C2orf76: variants seen among roughly 807,000 people sequenced by gnomAD.
C2orf76 encodes the protein UPF0538 protein C2orf76.
A neutral mutation model predicts 16.9 loss-of-function variants in C2orf76; 23 were observed. The observed-to-expected ratio is 1.36, with a 90% CI of 0.98 to 1.93. The LOEUF is 1.93. C2orf76 is among the 30% of genes most tolerant of loss of function. The pLI is 0.00. For missense variants in C2orf76, 152 were observed against 152.6 expected (o/e 1.00, Z 0.02); for synonymous variants, 48 against 52.3 (o/e 0.92, Z 0.35).
chr2:119,284,663 G>C, the C2orf76 span, among the ~76,000 whole-genome samples: 1 of 150,244 alleles, frequency 6.7e-6, no homozygotes, highest in African/African-American at 2.5e-5. Flanking sequence ...ATAGTGGGTG[G>C]GTTGTTTTGG....
the C2orf76 span, among the ~76,000 whole-genome samples, chr2:119,293,150 C>T: frequency 6.6e-6 from 1 of 152,232 alleles, no homozygotes; most frequent in African/African-American, 2.4e-5. Flanking sequence ...CTGTTCTATA[C>T]ATTGGAGACA....
intron 1 of C2orf76, among the ~76,000 whole-genome samples, chr2:119,353,472 T>A (rs1680467154): frequency 2.0e-5 from 3 of 152,148 alleles, no homozygotes; most frequent in Admixed American, 2.0e-4. Flanking sequence ...AGAACGAAAT[T>A]TTCTTCTAAA....
intron 5 of C2orf76, among the ~76,000 whole-genome samples, chr2:119,303,090 T>C (rs1399631170): frequency 6.6e-6 from 1 of 152,232 alleles, no homozygotes; most frequent in Non-Finnish European, 1.5e-5. Flanking sequence ...GCCCTGCTTA[T>C]GATTAATTCA....
At chr2:119,357,779 G>A (rs1680617843) in intron 1 of C2orf76, among the ~76,000 whole-genome samples, 1 of 151,980 alleles carries the variant, frequency 6.6e-6, no homozygotes, top group African/African-American at 2.4e-5. Context: ...GATGAGAAAG[G>A]AAGAAATAAA....
intron 2 of C2orf76, among the ~76,000 whole-genome samples, chr2:119,333,222 G>C (rs926413083): frequency 6.6e-6 from 1 of 152,196 alleles, no homozygotes; most frequent in Non-Finnish European, 1.5e-5. Context: ...CAAAAAAAGA[G>C]AGGCTTCAAG....
intron 1 of C2orf76, among the ~76,000 whole-genome samples, chr2:119,356,126 G>A (rs982024947): frequency 6.6e-6 from 1 of 152,196 alleles, no homozygotes; most frequent in Non-Finnish European, 1.5e-5. Flanking sequence ...ACAAAGGCCA[G>A]GTTCGGTGGC....
chr2:119,331,837 T>C (rs1327650365), intron 2 of C2orf76, among the ~76,000 whole-genome samples: 1 of 152,234 alleles, frequency 6.6e-6, no homozygotes, highest in Non-Finnish European at 1.5e-5. Context: ...TTATGACGTA[T>C]CTATTATATT....
At chr2:119,307,468 T>C (rs1048428856) in intron 5 of C2orf76, among the ~76,000 whole-genome samples, 3 of 151,424 alleles carry the variant, frequency 2.0e-5, no homozygotes, top group Admixed American at 2.0e-4. Flanking sequence ...ACATTTCAAG[T>C]ATCATTTTCA....
the C2orf76 span, among the ~76,000 whole-genome samples, chr2:119,292,536 C>T: frequency 0.01 from 1,593 of 152,284 alleles, 25 homozygotes; most frequent in African/African-American, 0.035. Flanking sequence ...GTTTTCATCT[C>T]ATTTCCTCAA....
chr2:119,333,944 T>A (rs368498496), intron 2 of C2orf76, among the ~76,000 whole-genome samples: 4 of 152,270 alleles, frequency 2.6e-5, no homozygotes, highest in Middle Eastern at 3.4e-3. Context: ...GTTCAATGCA[T>A]GTTTCTCTGT....
In C2orf76 at chr2:119,302,555, A is replaced by G. The variant is rs750997854; in HGVS notation, c.305-7T>C. On this transcript the variant is annotated splice_polypyrimidine_tract_variant and splice_region_variant and intron_variant, in intron 5 of 5. Transcript: ENST00000334816. ...GCAATTTCAGTTTCACTGGCTGAAAAAAAACAGAAAATGGAAAAAAAGATT... is the reference window on the plus strand; with the variant it reads ...GCAATTTCAGTTTCACTGGCTGAAAGAAAACAGAAAATGGAAAAAAAGATT... 43 of 1,490,088 alleles carry G rather than the reference A, an allele frequency of 2.9e-5. No individual in the cohort carries two copies. Among genetic ancestry groups the G allele is most frequent in the Non-Finnish European group, 3.6e-5 (40 of 1,099,518 alleles). 92.3% of individuals were successfully genotyped at this position (1,490,088 alleles called of 1,614,324 possible).
chr2:119,286,346 G>A, the C2orf76 span, among the ~76,000 whole-genome samples: 1 of 152,214 alleles, frequency 6.6e-6, no homozygotes, highest in South Asian at 2.1e-4. Flanking sequence ...TGAAGTGCTG[G>A]GAAGGTGGGA....
chr2:119,341,265 T>C (rs951046930), intron 1 of C2orf76, among the ~76,000 whole-genome samples: 11 of 152,184 alleles, frequency 7.2e-5, no homozygotes. Context: ...TGCCTTGGCC[T>C]CCGGAAGTGC....
intron 2 of C2orf76, among the ~76,000 whole-genome samples, chr2:119,334,769 A>T (rs950276160): frequency 6.6e-6 from 1 of 151,926 alleles, no homozygotes; most frequent in African/African-American, 2.4e-5. Context: ...GTGACAAGAG[A>T]ATCTAATCTA....
intron 2 of C2orf76, among the ~76,000 whole-genome samples, chr2:119,321,470 AGAG>A (rs936067834): frequency 2.0e-5 from 3 of 152,186 alleles, no homozygotes; most frequent in African/African-American, 7.2e-5. Context: ...GGCAGGTGAA[AGAG>A]GAGCAAAGGC....
At chr2:119,317,363 A>G in intron 4 of C2orf76, 103 bp downstream of exon 4, 1 of 789,670 alleles carries the variant, frequency 1.3e-6, no homozygotes, top group Non-Finnish European at 1.9e-6. Context: ...GCGCTATTAT[A>G]ATGGGAAATA....
chr2:119,344,283 A>C (rs528743301), intron 1 of C2orf76, among the ~76,000 whole-genome samples: 8 of 152,322 alleles, frequency 5.3e-5, no homozygotes, highest in Admixed American at 5.2e-4. Flanking sequence ...CTCAGCTTAG[A>C]AGACTAACCT....
chr2:119,365,473 G>A (rs1279728175), intron 1 of C2orf76, among the ~76,000 whole-genome samples: 1 of 152,096 alleles, frequency 6.6e-6, no homozygotes, highest in Non-Finnish European at 1.5e-5. Context: ...GTTCCCTATT[G>A]CATCTTCATT....
the C2orf76 span, among the ~76,000 whole-genome samples, chr2:119,286,841 G>C: frequency 2.0e-5 from 3 of 152,242 alleles, no homozygotes; most frequent in South Asian, 4.2e-4. Flanking sequence ...AGGGGAGGCC[G>C]TTCTCATGAG....
Sources: gnomAD v4.1 joint callset for allele counts (sites outside exome capture counted in the v4.1 genomes callset) on GRCh38, gnomAD v4.1.1 for gene constraint, MANE v1.5 for transcripts, NCBI Gene and HGNC (gene_info 2026-07-23, HGNC 2026-07-21) for gene names.